Variants in STAG1 observed in about 807,000 individuals in gnomAD.
STAG1 encodes cohesin subunit SA-1.
In STAG1, 26 loss-of-function variants were observed where a neutral mutation model predicts 170.9. The ratio of observed to expected loss-of-function variants is 0.15; its 90% CI spans 0.11 to 0.21. The LOEUF is 0.21. Among genes scored for constraint, STAG1 ranks in the 10% least tolerant of loss-of-function variants. The pLI is 1.00. For synonymous variants in STAG1, 514 were observed against 497.7 expected (o/e 1.03, Z -0.44); for missense variants, 964 against 1,509.5 (o/e 0.64, Z 5.99).
At chr3:136,687,437 T>G (rs974624965) in intron 1 of STAG1, among the ~76,000 whole-genome samples, 1 of 152,190 alleles carries the variant, frequency 6.6e-6, no homozygotes, top group Admixed American at 6.5e-5. Flanking sequence ...AATTTGAATT[T>G]AATTTTAAAG....
chr3:136,748,189 T>C (rs1935047499), intron 1 of STAG1, among the ~76,000 whole-genome samples: 1 of 151,702 alleles, frequency 6.6e-6, no homozygotes, highest in South Asian at 2.1e-4. Context: ...GTCAAGAGTT[T>C]CAGGTCAAGA....
chr3:136,606,683 T>C (rs1425081583), intron 3 of STAG1, among the ~76,000 whole-genome samples: 1 of 152,134 alleles, frequency 6.6e-6, no homozygotes, highest in East Asian at 1.9e-4. Context: ...CACTGGAATT[T>C]GTCTGATGTT....
At position 136,338,141 on chromosome 3, in the gene STAG1, TA is replaced by T; in HGVS notation, c.*112del. The stretch of plus-strand genomic sequence containing the variant: ...AAGGGATTGACCTTAATCATTTGAT[TA>T]AAAAACAAATCAGATCACATCAAAA... On this transcript the variant is annotated 3_prime_UTR_variant, in exon 34 of 34. Transcript: ENST00000383202. The T allele has an allele frequency of 1.4e-6, 1 of 729,698 alleles. No individual in the cohort carries two copies. Among genetic ancestry groups the T allele is most frequent in the South Asian group, 1.7e-5 (1 of 58,110 alleles). The allele number at this position is 729,698 out of a possible 1,614,324, so 45.2% of individuals were successfully genotyped here.
At chr3:136,592,033 C>T (rs1262717020) in intron 4 of STAG1, among the ~76,000 whole-genome samples, 1 of 152,108 alleles carries the variant, frequency 6.6e-6, no homozygotes, top group East Asian at 1.9e-4. Flanking sequence ...GGGTCAAAAC[C>T]ATCAAACTGA....
At chr3:136,513,121 C>T (rs1015377621) in intron 7 of STAG1, among the ~76,000 whole-genome samples, 3 of 151,736 alleles carry the variant, frequency 2.0e-5, no homozygotes, top group Non-Finnish European at 2.9e-5. Context: ...TTTGGGAGGC[C>T]GAGGCAGGCA....
intron 1 of STAG1, among the ~76,000 whole-genome samples, chr3:136,654,741 A>C (rs1230975847): frequency 6.6e-6 from 1 of 152,218 alleles, no homozygotes; most frequent in Non-Finnish European, 1.5e-5. Context: ...CACACTTCCT[A>C]CTTTCAAAAC....
At chr3:136,445,899 T>C (rs990135855) in intron 14 of STAG1, among the ~76,000 whole-genome samples, 2 of 152,244 alleles carry the variant, frequency 1.3e-5, no homozygotes, top group Non-Finnish European at 2.9e-5. Flanking sequence ...TAAGATGTGT[T>C]TGTAAATAGC....
chr3:136,487,979 T>C (rs1198823866), intron 9 of STAG1, among the ~76,000 whole-genome samples: 1 of 152,212 alleles, frequency 6.6e-6, no homozygotes, highest in Admixed American at 6.5e-5. Context: ...AGTAAGCCAT[T>C]GTGGAAGCAG....
At chr3:136,519,679 C>T (rs984658935) in intron 7 of STAG1, among the ~76,000 whole-genome samples, 3 of 151,070 alleles carry the variant, frequency 2.0e-5, no homozygotes, top group Non-Finnish European at 3.0e-5. Flanking sequence ...GAGGATACTA[C>T]GAAAGGTTGG....
chr3:136,352,374 G>C (rs1450644973), intron 28 of STAG1, among the ~76,000 whole-genome samples: 6 of 152,052 alleles, frequency 3.9e-5, no homozygotes, highest in African/African-American at 1.4e-4. Flanking sequence ...TGCCCAGGCT[G>C]GTCTTGAACT....
chr3:136,436,254 C>T (rs924661047), intron 15 of STAG1, among the ~76,000 whole-genome samples: 8 of 151,928 alleles, frequency 5.3e-5, no homozygotes, highest in Non-Finnish European at 2.9e-5. Flanking sequence ...CCACGCCTGG[C>T]CTCATTCTTA....
intron 4 of STAG1, among the ~76,000 whole-genome samples, chr3:136,586,347 A>C (rs917476302): frequency 2.0e-5 from 3 of 152,102 alleles, no homozygotes; most frequent in Admixed American, 1.3e-4. Flanking sequence ...ATAAAATTCT[A>C]TATATATAGG....
chr3:136,634,207 C>T (rs1389469702), intron 1 of STAG1, among the ~76,000 whole-genome samples: 1 of 151,528 alleles, frequency 6.6e-6, no homozygotes, highest in Non-Finnish European at 1.5e-5. Context: ...TTAAAACTAA[C>T]CAGGCGTGGT....
chr3:136,476,649 A>C (rs1423088111), intron 10 of STAG1, among the ~76,000 whole-genome samples: 1 of 152,208 alleles, frequency 6.6e-6, no homozygotes, highest in African/African-American at 2.4e-5. Flanking sequence ...ATAACTTATA[A>C]TGGGAATGAA....
At chr3:136,751,822 G>C (rs1240805545) in intron 1 of STAG1, among the ~76,000 whole-genome samples, 2 of 150,952 alleles carry the variant, frequency 1.3e-5, no homozygotes, top group Admixed American at 6.6e-5. Flanking sequence ...GGGGGGCGGA[G>C]GGCGGGCTTG....
chr3:136,718,378 T>C (rs1364176630), intron 1 of STAG1, among the ~76,000 whole-genome samples: 1 of 152,220 alleles, frequency 6.6e-6, no homozygotes. Context: ...GTTTTTTTAA[T>C]AATTAATAAT....
chr3:136,747,871 G>T (rs1162254877), intron 1 of STAG1, among the ~76,000 whole-genome samples: 1 of 150,720 alleles, frequency 6.6e-6, no homozygotes, highest in African/African-American at 2.4e-5. Flanking sequence ...CCGCCTCCCG[G>T]GTTCACACCA....
rs138041679 is a variant in STAG1, at chr3:136,500,031, G to C, written c.902+192C>G. 1.6e-3 allele frequency: 774 copies of C among 498,474 alleles called. 6 individuals are homozygous for C. The East Asian group carries it at 0.026, about 17-fold the overall frequency. The allele number at this position is 498,474 out of a possible 1,614,324, so 30.9% of individuals were successfully genotyped here. A position where few individuals can be genotyped will look rare whatever the true frequency, so the allele number is the denominator to read the frequency against. On this transcript the variant is annotated intron_variant, in intron 9 of 33. Coordinates refer to ENST00000383202, the MANE Select transcript of STAG1 (RefSeq NM_005862.3). ...CAGCATATGTTCTGAATTTGGAAGA[G>C]TATAACAGTGGTAGTGGCAGCAGTC...
intron 6 of STAG1, among the ~76,000 whole-genome samples, chr3:136,541,538 T>TCACACACACACACACTCACACA (rs1935899379): frequency 8.1e-6 from 1 of 123,122 alleles, no homozygotes; most frequent in Non-Finnish European, 1.7e-5. Flanking sequence ...AGCTTAACAT[T>TCACACACACACACACTCACACA]CACACACACA....
Sources: allele counts gnomAD v4.1 joint callset (sites outside exome capture counted in the v4.1 genomes callset), GRCh38; gene constraint gnomAD v4.1.1; transcripts MANE v1.5; gene names NCBI Gene and HGNC (gene_info 2026-07-23, HGNC 2026-07-21).